The following QPCT variants were observed in gnomAD, a reference collection of about 807,000 sequenced individuals.
QPCT encodes EC.
Under a neutral mutation model 43.4 loss-of-function variants are expected in QPCT, and 44 were observed. That is an observed-to-expected ratio of 1.01 (90% confidence interval 0.80 to 1.30). The LOEUF is 1.30. Ranked by LOEUF, QPCT falls within the 50% of genes most tolerant of loss-of-function variation. The probability of loss-of-function intolerance (pLI) is 0.00; values close to 1 mark genes in which losing one functional copy is unlikely to be tolerated. For missense variants in QPCT, 526 were observed against 436.5 expected, an observed-to-expected ratio of 1.21 and a Z score of -1.83; for synonymous variants, 168 against 168.4, an observed-to-expected ratio of 1.00 and a Z score of 0.02.
At chr2:37,372,500 G>A (rs1673100681) in intron 6 of QPCT, 28 bp downstream of exon 6, 2 of 1,555,162 alleles carry the variant, frequency 1.3e-6, no homozygotes, top group African/African-American at 2.7e-5. Context: ...GTGTGTTTGT[G>A]TGTGTGTGCG....
intron 3 of QPCT, among the ~76,000 whole-genome samples, chr2:37,364,275 G>A (rs1254395098): frequency 6.6e-6 from 1 of 152,160 alleles, no homozygotes; most frequent in Non-Finnish European, 1.5e-5. Context: ...AAGGATGAGG[G>A]AGTCATGGAG....
At chr2:37,354,981 A>G (rs1358922297) in intron 2 of QPCT, among the ~76,000 whole-genome samples, 1 of 152,266 alleles carries the variant, frequency 6.6e-6, no homozygotes, top group African/African-American at 2.4e-5. Flanking sequence ...TACAGTATAT[A>G]GGATAAATAA....
At chr2:37,347,189 TA>T (rs1672516348) in intron 1 of QPCT, among the ~76,000 whole-genome samples, 2 of 92,958 alleles carry the variant, frequency 2.2e-5, no homozygotes, top group African/African-American at 4.5e-5. Flanking sequence ...AACATATATA[TA>T]TAACATATAT....
chr2:37,371,013 C>A (rs927917807), intron 5 of QPCT, among the ~76,000 whole-genome samples: 1 of 152,180 alleles, frequency 6.6e-6, no homozygotes, highest in Admixed American at 6.5e-5. Context: ...AAAACACTGC[C>A]ATCATAACTC....
At chr2:37,359,039 A>G (rs1672807669) in intron 2 of QPCT, among the ~76,000 whole-genome samples, 1 of 152,174 alleles carries the variant, frequency 6.6e-6, no homozygotes, top group Non-Finnish European at 1.5e-5. Flanking sequence ...TTGCTGGTTT[A>G]CTTAATTTTT....
intron 2 of QPCT, among the ~76,000 whole-genome samples, chr2:37,355,791 A>C (rs1436725871): frequency 6.6e-6 from 1 of 152,198 alleles, no homozygotes; most frequent in African/African-American, 2.4e-5. Context: ...AGGATGATAA[A>C]GTCTCACAAA....
intron 3 of QPCT, among the ~76,000 whole-genome samples, chr2:37,362,504 G>A (rs573459073): frequency 2.0e-5 from 3 of 152,344 alleles, no homozygotes; most frequent in South Asian, 4.1e-4. Flanking sequence ...TAATTAAGGA[G>A]CAATATGAAA....
At chr2:37,347,143 T>TTTTTATATATATATG (rs1558599200) in intron 1 of QPCT, among the ~76,000 whole-genome samples, 1 of 5,362 alleles carries the variant, frequency 1.9e-4, no homozygotes, top group East Asian at 7.5e-3. Context: ...TATGGGGTGT[T>TTTTTATATATATATG]TTATATATAT....
In QPCT at chr2:37,369,699, A is replaced by G; in HGVS notation, c.738A>G (p.Leu246=). 1 of 1,599,402 alleles carries G rather than the reference A, an allele frequency of 6.3e-7. No individual in the cohort carries two copies. The highest frequency in any genetic ancestry group is 8.6e-7 in the Non-Finnish European group (1 of 1,166,612). The part of the protein sequence containing the change: ...SQLHGMDLLV[L]LDLIGAPNPT... ...TTCTCCCTCAGGATTTATTGGTCTT[A>G]TTGGATTTGATTGGAGCTCCAAACC... The change falls in exon 5 of 7, where the codon TTA becomes TTG. Residue 246 remains leucine (L), a synonymous_variant. Transcript: ENST00000338415.
chr2:37,371,052 C>G (rs1673063452), intron 5 of QPCT, among the ~76,000 whole-genome samples: 1 of 152,102 alleles, frequency 6.6e-6, no homozygotes, highest in East Asian at 1.9e-4. Context: ...AAGAATTTGT[C>G]TAGAATCTTA....
At chr2:37,367,009 C>A in intron 3 of QPCT, 1 of 489,944 alleles carries the variant, frequency 2.0e-6, no homozygotes, top group Admixed American at 3.8e-5. Flanking sequence ...CTTCTATTTT[C>A]AGAGGGAATG....
At chr2:37,364,596 G>A (rs1218073531) in intron 3 of QPCT, among the ~76,000 whole-genome samples, 1 of 152,220 alleles carries the variant, frequency 6.6e-6, no homozygotes, top group East Asian at 1.9e-4. Context: ...GAGGCAGGAC[G>A]AACTGGATTG....
chr2:37,353,456 T>C (rs1342364758), intron 2 of QPCT, among the ~76,000 whole-genome samples: 1 of 152,230 alleles, frequency 6.6e-6, no homozygotes, highest in Non-Finnish European at 1.5e-5. Flanking sequence ...TTACATTTTA[T>C]ACACACAAAC....
At chr2:37,361,002 A>G (rs190363353) in intron 3 of QPCT, among the ~76,000 whole-genome samples, 265 of 152,290 alleles carry the variant, frequency 1.7e-3, no homozygotes, top group Non-Finnish European at 3.5e-3. Flanking sequence ...TTTTTCCCAT[A>G]TAGCTCATAT....
chr2:37,345,835 CAAAAAAAAAAA>C (rs70949752), intron 1 of QPCT, among the ~76,000 whole-genome samples: 1 of 82,600 alleles, frequency 1.2e-5, no homozygotes, highest in Non-Finnish European at 2.4e-5. Flanking sequence ...GACTCCGTCT[CAAAAAAAAAAA>C]AAAAAAAAAG....
chr2:37,356,110 C>T (rs1185675583), intron 2 of QPCT, among the ~76,000 whole-genome samples: 1 of 152,152 alleles, frequency 6.6e-6, no homozygotes, highest in African/African-American at 2.4e-5. Flanking sequence ...CTACTGATGT[C>T]ATTGTTTCTC....
chr2:37,344,916 G>A (rs1672448528), intron 1 of QPCT, 65 bp downstream of exon 1: 1 of 1,483,274 alleles, frequency 6.7e-7, no homozygotes, highest in African/African-American at 1.5e-5. Flanking sequence ...ACCCCTGGCC[G>A]GGTCAGCCCT....
In QPCT at chr2:37,364,387, C is replaced by T. The variant is rs56183641; in HGVS notation, c.547-2845C>T. Among the ~76,000 whole-genome samples the T allele has an allele frequency of 3.8e-3, 578 of 152,210 alleles. 3 individuals are homozygous for T. The highest frequency in any genetic ancestry group is 0.013 in the African/African-American group (552 of 41,520). On this transcript the variant is annotated intron_variant, in intron 3 of 6. Coordinates refer to ENST00000338415, the MANE Select transcript of QPCT (RefSeq NM_012413.4). ...ACAGATAGGCAGCAGGCCTAGTGGT[C>T]GGTCCAGGCTGGAGCAGGCAGCAGA... is the stretch of plus-strand genomic sequence containing the variant.
chr2:37,358,769 A>G (rs1672800232), intron 2 of QPCT: 1 of 152,186 alleles, frequency 6.6e-6, no homozygotes, highest in Non-Finnish European at 1.5e-5. Flanking sequence ...GTGCAGAGGG[A>G]AAGCTGCTTG....
Sources: gnomAD v4.1 joint callset for allele counts (sites outside exome capture counted in the v4.1 genomes callset) on GRCh38, gnomAD v4.1.1 for gene constraint, MANE v1.5 for transcripts, NCBI Gene and HGNC (gene_info 2026-07-23, HGNC 2026-07-21) for gene names.